ANKRD37: variants seen among roughly 807,000 people sequenced by gnomAD.
The protein encoded by ANKRD37 is ankyrin repeat domain-containing protein 37.
In ANKRD37, 17 loss-of-function variants were observed where a neutral mutation model predicts 19.7. That is an observed-to-expected ratio of 0.86 (90% CI 0.59 to 1.29). ANKRD37 has a LOEUF of 1.29. ANKRD37 is among the 50% of genes most tolerant of loss of function. The pLI is 0.00. For missense variants in ANKRD37, 207 were observed against 190.4 expected (o/e 1.09, Z -0.51); for synonymous variants, 79 against 74.5 (o/e 1.06, Z -0.31).
rs2095510957 is a variant in ANKRD37, at chr4:185,399,783, T to C, written c.476+10T>C. 1 of 1,613,716 alleles carries C rather than the reference T, an allele frequency of 6.2e-7. No individual in the cohort carries two copies. The highest frequency in any genetic ancestry group is 2.2e-5 in the East Asian group (1 of 44,878). On this transcript the variant is annotated intron_variant, in intron 4 of 4. Coordinates refer to ENST00000335174, the MANE Select transcript of ANKRD37 (RefSeq NM_181726.4). Reference sequence around the variant, plus strand: ...GGAAAAGGAAGTGCTGGTAAGTAACTCAGAGCTGCTGCTTTTTTCCTCCCG... The same window carrying C: ...GGAAAAGGAAGTGCTGGTAAGTAACCCAGAGCTGCTGCTTTTTTCCTCCCG...
chr4:185,396,895 G>C lies in ANKRD37; in HGVS notation c.-29G>C. ...GTGTCTCACCTCTCTGCACTTCCAA[G>C]GACTCTTGTCATCTGCCTTAGGCGG... On this transcript the variant is annotated 5_prime_UTR_variant, in exon 1 of 5. Coordinates refer to ENST00000335174, the MANE Select transcript of ANKRD37 (RefSeq NM_181726.4). 6.2e-7 allele frequency: 1 copy of C among 1,612,654 alleles called. No homozygotes were observed. The highest frequency in any genetic ancestry group is 8.5e-7 in the Non-Finnish European group (1 of 1,179,906).
intron 1 of ANKRD37, 94 bp downstream of exon 1, chr4:185,397,044 G>T: frequency 6.2e-7 from 1 of 1,609,178 alleles, no homozygotes; most frequent in Non-Finnish European, 8.5e-7. Context: ...ACCACTGGGC[G>T]CTGCCTGGTC....
At chr4:185,398,884 C>T (rs1036725578) in intron 2 of ANKRD37, 53 bp from the exon 3 acceptor site, 8 of 1,386,372 alleles carry the variant, frequency 5.8e-6, no homozygotes, top group East Asian at 5.0e-5. Context: ...CACTCATCAA[C>T]TTTCACAAAA....
At chr4:185,397,525 C>T (rs1164893660) in intron 2 of ANKRD37, 3 of 537,462 alleles carry the variant, frequency 5.6e-6, no homozygotes, top group East Asian at 7.0e-5. Flanking sequence ...CATTAATAAA[C>T]GAAACATGAA....
rs1039163079 is a variant in ANKRD37 at position 185,397,028 on chromosome 4, G to A, written c.27+78G>A. On this transcript the variant is annotated intron_variant, in intron 1 of 4. Coordinates refer to ENST00000335174, the MANE Select transcript of ANKRD37 (RefSeq NM_181726.4). ...TAGATTCGTCTTCTCGTTAATGCGG[G>A]GACGGACCACTGGGCGCTGCCTGGT... The A allele has an allele frequency of 1.2e-5, 20 of 1,609,636 alleles. No individual in the cohort carries two copies. The African/African-American group carries it at 2.3e-4, about 18-fold the overall frequency.
At position 185,397,230 on chromosome 4, in the gene ANKRD37, C is replaced by T. The variant is rs2095505835; in HGVS notation, c.108C>T (p.His36=). Residue 36 remains histidine (H), a synonymous_variant, in exon 2 of 5, where the codon CAC becomes CAT. Coordinates refer to ENST00000335174, the MANE Select transcript of ANKRD37 (RefSeq NM_181726.4). The part of the protein sequence containing the change: ...PPDPCKQSPV[H]LAAGSGLACF... ...ATCCCTGCAAGCAGTCGCCTGTCCA[C>T]TTAGCCGCAGGAAGCGGCCTTGCTT... The T allele has an allele frequency of 6.2e-7, 1 of 1,614,174 alleles. No homozygotes were observed. The highest frequency in any genetic ancestry group is 2.2e-5 in the East Asian group (1 of 44,888).
intron 1 of ANKRD37, 61 bp downstream of exon 1, chr4:185,397,011 T>C (rs2095505281): frequency 1.2e-6 from 2 of 1,611,218 alleles, no homozygotes; most frequent in African/African-American, 1.3e-5. Flanking sequence ...TCTAGATTCG[T>C]CTTCTCGTTA....
At position 185,399,929 on chromosome 4, in the gene ANKRD37, G is replaced by A. The variant is rs371939893; in HGVS notation, c.*-88G>A. The A allele has an allele frequency of 1.4e-4, 212 of 1,554,638 alleles. 1 individual carries two copies. In the African/African-American group the frequency reaches 1.6e-3, roughly 11 times the overall value. ...CTGGTTATACTTACCAGAGTCTAGA[G>A]ACCAAAAATGGGACTGCATGGTGGA... is the stretch of plus-strand genomic sequence containing the variant. On this transcript the variant is annotated intron_variant, in intron 4 of 4. Transcript: ENST00000335174.
intron 2 of ANKRD37, among the ~76,000 whole-genome samples, chr4:185,398,391 G>T (rs1168678631): frequency 6.6e-6 from 1 of 152,228 alleles, no homozygotes; most frequent in Non-Finnish European, 1.5e-5. Flanking sequence ...TCCAAAGGAG[G>T]AGATTTTTAG....
chr4:185,398,828 A>G (rs2095509320), intron 2 of ANKRD37, 109 bp from the exon 3 acceptor site: 2 of 769,456 alleles, frequency 2.6e-6, no homozygotes, highest in Non-Finnish European at 4.3e-6. Context: ...CCTGTCCAGT[A>G]CAATGCAGTT....
chr4:185,396,888 C>T lies in ANKRD37; in HGVS notation c.-36C>T, dbSNP rs2095504847. ...GCGGCGAGTGTCTCACCTCTCTGCACTTCCAAGGACTCTTGTCATCTGCCT... is the reference window on the plus strand; with the variant it reads ...GCGGCGAGTGTCTCACCTCTCTGCATTTCCAAGGACTCTTGTCATCTGCCT... On this transcript the variant is annotated 5_prime_UTR_variant, in exon 1 of 5. Coordinates refer to ENST00000335174, the MANE Select transcript of ANKRD37 (RefSeq NM_181726.4). The T allele has an allele frequency of 6.2e-7, 1 of 1,612,038 alleles. No homozygotes were observed. The highest frequency in any genetic ancestry group is 8.5e-7 in the Non-Finnish European group (1 of 1,179,640).
downstream of ANKRD37, chr4:185,400,477 C>A: frequency 6.2e-7 from 1 of 1,611,316 alleles, no homozygotes; most frequent in Non-Finnish European, 8.5e-7. Flanking sequence ...TCCGCACCAG[C>A]CCTGGATAGA....
intron 4 of ANKRD37, 75 bp downstream of exon 4, chr4:185,399,848 A>G (rs2095511092): frequency 6.3e-7 from 1 of 1,586,872 alleles, no homozygotes; most frequent in African/African-American, 1.4e-5. Context: ...TATTCCATTT[A>G]ATACTGACAC....
At chr4:185,399,921 A>C in intron 4 of ANKRD37, 96 bp from the exon 5 acceptor site, 1 of 1,546,800 alleles carries the variant, frequency 6.5e-7, no homozygotes, top group Non-Finnish European at 8.7e-7. Flanking sequence ...TACTTACCAG[A>C]GTCTAGAGAC....
chr4:185,397,979 C>T (rs561460457), intron 2 of ANKRD37, among the ~76,000 whole-genome samples: 6 of 152,182 alleles, frequency 3.9e-5, no homozygotes, highest in East Asian at 1.9e-4. Context: ...TTATTTGAGA[C>T]GGAGTTTTGC....
At chr4:185,400,385 A>G (rs370248604), downstream of ANKRD37, 68 of 1,606,480 alleles carry the variant, frequency 4.2e-5, no homozygotes, top group African/African-American at 8.0e-4. Context: ...TTTGACTCCA[A>G]GATATTTTAA....
At position 185,399,816 on chromosome 4, in the gene ANKRD37, C is replaced by T. The variant is rs201136869; in HGVS notation, c.476+43C>T. ...GCTGCTTTTTTCCTCCCGCAGTGAT[C>T]TCTTGTTTGCATAGCATTTATTATT... On this transcript the variant is annotated intron_variant, in intron 4 of 4. Transcript: ENST00000335174. 9 of 1,610,334 alleles carry T rather than the reference C, an allele frequency of 5.6e-6. No individual in the cohort carries two copies. In the East Asian group the frequency reaches 2.0e-4, roughly 36 times the overall value.
At position 185,399,775 on chromosome 4, in the gene ANKRD37, T is replaced by C; in HGVS notation, c.476+2T>C. ...TACCAGTGGGAAAAGGAAGTGCTGG[T>C]AAGTAACTCAGAGCTGCTGCTTTTT... On this transcript the variant is annotated splice_donor_variant, in intron 4 of 4. Transcript: ENST00000335174. LOFTEE classifies it high-confidence loss of function. 1 of 1,613,956 alleles carries C rather than the reference T, an allele frequency of 6.2e-7. No homozygotes were observed. Among genetic ancestry groups the C allele is most frequent in the South Asian group, 1.1e-5 (1 of 91,038 alleles).
In ANKRD37 at chr4:185,399,725, A is replaced by G. The variant is rs564997967; in HGVS notation, c.428A>G (p.Lys143Arg). 6.2e-7 allele frequency: 1 copy of G among 1,614,160 alleles called. No homozygotes were observed. The highest frequency in any genetic ancestry group is 2.2e-5 in the East Asian group (1 of 44,878). The stretch of plus-strand genomic sequence containing the variant: ...GATTGTGTTGCCGTGCTCAGACAGA[A>G]ACGGAGTCTCGGAAGTGTAGAAAAT... ...RNDCVAVLRQ[K>R]RSLGSVENTS... Residue 143 changes from lysine (K) to arginine (R), a missense_variant, in exon 4 of 5, where the codon AAA becomes AGA. Coordinates refer to ENST00000335174, the MANE Select transcript of ANKRD37 (RefSeq NM_181726.4).
Sources: allele counts gnomAD v4.1 joint callset (sites outside exome capture counted in the v4.1 genomes callset), GRCh38; gene constraint gnomAD v4.1.1; transcripts MANE v1.5; gene names NCBI Gene and HGNC (gene_info 2026-07-23, HGNC 2026-07-21).